Variants in TBC1D16 observed in about 807,000 individuals in gnomAD.
TBC1D16 encodes TBC1 domain family member 16, also known as CTD-2529O21.1.
TBC1D16 carries 58 observed loss-of-function variants against 74.7 expected under a neutral mutation model. The observed-to-expected ratio is 0.78, with a 90% CI of 0.63 to 0.97. The LOEUF (loss-of-function observed/expected upper bound fraction) is 0.97, where lower values mean the gene tolerates loss of function less well. TBC1D16 is among the 50% of genes least tolerant of loss of function. The probability of loss-of-function intolerance (pLI) is 0.00; values close to 1 mark genes in which losing one functional copy is unlikely to be tolerated. For missense variants in TBC1D16, 1,014 were observed against 1,079.5 expected (o/e 0.94, Z 0.85); for synonymous variants, 493 against 474.7 (o/e 1.04, Z -0.50).
intron 3 of TBC1D16, among the ~76,000 whole-genome samples, chr17:79,976,791 ACAGTGCCTTTC>A (rs1343823869): frequency 4.9e-4 from 75 of 152,298 alleles, no homozygotes; most frequent in African/African-American, 1.8e-3. Context: ...TCTTCCGTTG[ACAGTGCCTTTC>A]CATTCATCTG....
At chr17:80,014,892 TGG>T (rs2036031325) in intron 1 of TBC1D16, among the ~76,000 whole-genome samples, 1 of 152,178 alleles carries the variant, frequency 6.6e-6, no homozygotes, top group African/African-American at 2.4e-5. Context: ...CACATTCATG[TGG>T]GTAAGACGAC....
rs1049767085 is a variant in TBC1D16, at chr17:79,939,071, T to A, written c.*1788A>T. The A allele has an allele frequency of 1.3e-5, 2 of 152,368 alleles. No homozygotes were observed. Among genetic ancestry groups the A allele is most frequent in the Non-Finnish European group, 2.9e-5 (2 of 68,092 alleles). The allele number at this position is 152,368 out of a possible 1,614,324, so 9.4% of individuals were successfully genotyped here. On this transcript the variant is annotated 3_prime_UTR_variant, in exon 12 of 12. Coordinates refer to ENST00000310924, the MANE Select transcript of TBC1D16 (RefSeq NM_019020.4). The stretch of plus-strand genomic sequence containing the variant: ...TGGCGGATTTGTTACACAGTATTGC[T>A]GTGGCAATGGATATAACTGGTTTCT...
In TBC1D16 at chr17:79,936,899, TGTGCATGTGC is replaced by T. The variant is rs1190773798; in HGVS notation, c.*3950_*3959del. ...GTGTGTGTGTGTGCATGCGTGCGTGTGTGCATGTGCGTGTGTGTGTGTGTGTGTGTGTGTG... is the reference window on the plus strand; with the variant it reads ...GTGTGTGTGTGTGCATGCGTGCGTGTGTGTGTGTGTGTGTGTGTGTGTGTG... On this transcript the variant is annotated 3_prime_UTR_variant, in exon 12 of 12. Transcript: ENST00000310924. 8.8e-5 allele frequency: 11 copies of T among 124,520 alleles called. No homozygotes were observed. Among genetic ancestry groups the T allele is most frequent in the African/African-American group, 2.4e-4 (8 of 32,746 alleles). The allele number at this position is 124,520 out of a possible 1,614,324, so 7.7% of individuals were successfully genotyped here. A position where few individuals can be genotyped will look rare whatever the true frequency, so the allele number is the denominator to read the frequency against.
Position 79,990,225 on chromosome 17 carries a change from C to T in TBC1D16, c.779+19935G>A, listed in dbSNP as rs1265447085. Among the ~76,000 whole-genome samples, 1 of 152,236 alleles carries T rather than the reference C, an allele frequency of 6.6e-6. No homozygotes were observed. Among genetic ancestry groups the T allele is most frequent in the East Asian group, 1.9e-4 (1 of 5,200 alleles). On this transcript the variant is annotated intron_variant, in intron 3 of 11. Transcript: ENST00000310924. This position sits in a 1 kb window ranked among gnomAD's most constrained non-coding sequence, Gnocchi z 4.8. ...ACTCAGCCTGAACTAGCCGCGTGGACAGCAGCCGTAGCCCTCACAAGGCGT... is the reference window on the plus strand; with the variant it reads ...ACTCAGCCTGAACTAGCCGCGTGGATAGCAGCCGTAGCCCTCACAAGGCGT...
At chr17:80,002,622 C>G (rs4074022) in intron 3 of TBC1D16, among the ~76,000 whole-genome samples, 65,632 of 152,136 alleles carry the variant, frequency 0.43, 14,485 homozygotes, top group Admixed American at 0.55. Context: ...CTGGGAGGGT[C>G]GCTACGTTTC....
chr17:79,995,034 C>T (rs2035215898), intron 3 of TBC1D16, among the ~76,000 whole-genome samples: 2 of 152,114 alleles, frequency 1.3e-5, no homozygotes, highest in South Asian at 2.1e-4. Flanking sequence ...CACCGTGGCT[C>T]ATAGCCTGTA....
Position 79,935,263 on chromosome 17 carries a change from A to G in TBC1D16, c.*5596T>C, listed in dbSNP as rs1439863632. ...AGTGAGACCCCGCGAGCACTCGTCA[A>G]TTCTCCCATCACCCTCCATCGCCGC... On this transcript the variant is annotated 3_prime_UTR_variant, in exon 12 of 12. Coordinates refer to ENST00000310924, the MANE Select transcript of TBC1D16 (RefSeq NM_019020.4). 6 of 152,212 alleles carry G rather than the reference A, an allele frequency of 3.9e-5. No homozygotes were observed. The highest frequency in any genetic ancestry group is 1.3e-4 in the Admixed American group (2 of 15,280). 9.4% of individuals were successfully genotyped at this position (152,212 alleles called of 1,614,324 possible).
Position 79,993,538 on chromosome 17 carries a change from C to G in TBC1D16, c.779+16622G>C, listed in dbSNP as rs1230946597. On this transcript the variant is annotated intron_variant, in intron 3 of 11. Transcript: ENST00000310924. The surrounding 1 kb of genome is among the most constrained non-coding windows in gnomAD (Gnocchi z 5.1). ...CTGCTGGGAAGGATATGAAGCCAAA[C>G]AGAACCAGCTACGGGAGTCTTTCGA... 6.6e-6 allele frequency: 1 copy of G among 152,260 alleles called. No homozygotes were observed. The highest frequency in any genetic ancestry group is 1.5e-5 in the Non-Finnish European group (1 of 68,048). 9.4% of individuals were successfully genotyped at this position (152,260 alleles called of 1,614,324 possible). A position where few individuals can be genotyped will look rare whatever the true frequency, so the allele number is the denominator to read the frequency against.
chr17:80,012,993 C>T (rs1237977818), intron 2 of TBC1D16, among the ~76,000 whole-genome samples: 2 of 152,202 alleles, frequency 1.3e-5, no homozygotes, highest in Admixed American at 6.5e-5. Flanking sequence ...ACCTAAGAGG[C>T]CTGCTGGGGC....
chr17:80,033,046 G>A (rs938140988), intron 1 of TBC1D16, among the ~76,000 whole-genome samples: 1 of 152,162 alleles, frequency 6.6e-6, no homozygotes, highest in African/African-American at 2.4e-5. Flanking sequence ...TCCTACATCT[G>A]CCTGGAATCA....
intron 3 of TBC1D16, among the ~76,000 whole-genome samples, chr17:79,972,506 G>T (rs919784024): frequency 6.6e-6 from 1 of 152,158 alleles, no homozygotes; most frequent in African/African-American, 2.4e-5. Context: ...TCTGACACAG[G>T]CTACAGCATG....
In TBC1D16 at chr17:79,951,566, C is replaced by T. The variant is rs770436422; in HGVS notation, c.973G>A (p.Val325Ile). 1.9e-5 allele frequency: 30 copies of T among 1,613,864 alleles called. No individual in the cohort carries two copies. The highest frequency in any genetic ancestry group is 1.8e-4 in the South Asian group (16 of 91,056). ...TTGTACTGGCTCTCTCGGCTGGCAA[C>T]GACCAGCTGGCCGCTGGTGCAGGCC... ...DEACTSGQLV[V>I]ASRESQYKVF... is the part of the protein sequence containing the mutation. The change falls in exon 5 of 12, where the codon GTT becomes ATT. Residue 325 changes from valine (V) to isoleucine (I), a missense_variant. By Grantham distance (29) the Val-to-Ile change is conservative. Transcript: ENST00000310924.
At chr17:80,026,789 G>C (rs1016507594) in intron 1 of TBC1D16, among the ~76,000 whole-genome samples, 1 of 149,780 alleles carries the variant, frequency 6.7e-6, no homozygotes, top group Non-Finnish European at 1.5e-5. Flanking sequence ...GGGGTTTGAG[G>C]GGGGCAAAGA....
At chr17:80,011,825 C>G (rs887641174) in intron 2 of TBC1D16, among the ~76,000 whole-genome samples, 3 of 110,652 alleles carry the variant, frequency 2.7e-5, no homozygotes, top group African/African-American at 1.0e-4. Flanking sequence ...GACTCCGTCT[C>G]AAAAAAAAAA....
chr17:79,943,008 C>G (rs892013634), intron 10 of TBC1D16, among the ~76,000 whole-genome samples: 3 of 152,234 alleles, frequency 2.0e-5, no homozygotes, highest in Non-Finnish European at 4.4e-5. Context: ...TTGATGCACA[C>G]GCGCTTCCGG....
chr17:80,024,712 C>G lies in TBC1D16; in HGVS notation c.-63+11083G>C, dbSNP rs534057549. 5.7e-5 allele frequency among the ~76,000 whole-genome samples: 3 copies of G among 52,962 alleles called. No individual in the cohort carries two copies. The Admixed American group carries it at 6.9e-4, about 12-fold the overall frequency. 34.7% of individuals were successfully genotyped at this position (52,962 alleles called of 152,430 possible). A position where few individuals can be genotyped will look rare whatever the true frequency, so the allele number is the denominator to read the frequency against. Reference sequence around the variant, plus strand: ...AGACACACATGCCACACACGACACACCATAGTCACACCACACATACACCAG... The same window carrying G: ...AGACACACATGCCACACACGACACAGCATAGTCACACCACACATACACCAG... On this transcript the variant is annotated intron_variant, in intron 1 of 11. Transcript: ENST00000310924.
chr17:80,023,735 C>T (rs1262724195), intron 1 of TBC1D16, among the ~76,000 whole-genome samples: 2 of 149,664 alleles, frequency 1.3e-5, no homozygotes, highest in Admixed American at 1.3e-4. Context: ...GTGGGCTTCC[C>T]TCCCACCACC....
rs746706572 is a variant in TBC1D16, at chr17:79,944,576, C to T, written c.1908+332G>A. On this transcript the variant is annotated intron_variant, in intron 10 of 11. Coordinates refer to ENST00000310924, the MANE Select transcript of TBC1D16 (RefSeq NM_019020.4). The surrounding 1 kb of genome is among the most constrained non-coding windows in gnomAD (Gnocchi z 7.7). ...GGGTGGAGCGGTGCTGGCTCACGCT[C>T]GTGGGCACCAGCGTCCTGGGCTGCT... Among the ~76,000 whole-genome samples, 1 of 152,156 alleles carries T rather than the reference C, an allele frequency of 6.6e-6. No homozygotes were observed. Among genetic ancestry groups the T allele is most frequent in the Non-Finnish European group, 1.5e-5 (1 of 68,032 alleles).
Position 79,954,569 on chromosome 17 carries a change from G to A in TBC1D16, c.780-1751C>T, listed in dbSNP as rs1186293825. On this transcript the variant is annotated intron_variant, in intron 3 of 11. Transcript: ENST00000310924. This position sits in a 1 kb window ranked among gnomAD's most constrained non-coding sequence, Gnocchi z 5.5. ...GGCTGCGCCGCGGACGGGCCCAGAAGACCGAGGGCTCCTGACATCTTCCCA... is the reference window on the plus strand; with the variant it reads ...GGCTGCGCCGCGGACGGGCCCAGAAAACCGAGGGCTCCTGACATCTTCCCA... 1.3e-5 allele frequency among the ~76,000 whole-genome samples: 2 copies of A among 152,198 alleles called. No individual in the cohort carries two copies. Among genetic ancestry groups the A allele is most frequent in the Non-Finnish European group, 2.9e-5 (2 of 68,026 alleles).
Sources: allele counts gnomAD v4.1 joint callset (sites outside exome capture counted in the v4.1 genomes callset), GRCh38; gene constraint gnomAD v4.1.1; non-coding constraint Gnocchi (gnomAD v3.1); transcripts MANE v1.5; gene names NCBI Gene and HGNC (gene_info 2026-07-23, HGNC 2026-07-21).